The following SHISA9 variants were observed in gnomAD, a reference collection of about 807,000 sequenced individuals.
SHISA9 encodes shisa family member 9.
A neutral mutation model predicts 38.0 loss-of-function variants in SHISA9; 13 were observed. The observed-to-expected ratio is 0.34, with a 90% confidence interval of 0.22 to 0.54. SHISA9 has a LOEUF of 0.54. Among genes scored for constraint, SHISA9 ranks in the 20% least tolerant of loss-of-function variants. The pLI is 0.91. For synonymous variants in SHISA9, 275 were observed against 242.0 expected, an observed-to-expected ratio of 1.14 and a Z score of -1.27; for missense variants, 538 against 575.8, an observed-to-expected ratio of 0.93 and a Z score of 0.67.
chr16:13,504,584 A>G, the SHISA9 span, among the ~76,000 whole-genome samples: 1 of 152,214 alleles, frequency 6.6e-6, no homozygotes, highest in Non-Finnish European at 1.5e-5. Flanking sequence ...AATCATCACC[A>G]TCACCAGAGA....
In SHISA9 at chr16:12,909,648, G is replaced by A. The variant is rs954102511; in HGVS notation, c.563+7021G>A. ...TCATCACCAGGGTCCCAGCTCCAAT[G>A]TCATCTTCTCTGAGAAGCCGTCCCT... On this transcript the variant is annotated intron_variant, in intron 1 of 4. Coordinates refer to ENST00000558583, the MANE Select transcript of SHISA9 (RefSeq NM_001145204.3). 7 of 976,920 alleles carry A rather than the reference G, an allele frequency of 7.2e-6. No individual in the cohort carries two copies. In the African/African-American group the frequency reaches 8.8e-5, roughly 12 times the overall value. The allele number at this position is 976,920 out of a possible 1,614,324, so 60.5% of individuals were successfully genotyped here.
chr16:12,948,692 G>T (rs1298129632), intron 2 of SHISA9, among the ~76,000 whole-genome samples: 1 of 152,076 alleles, frequency 6.6e-6, no homozygotes, highest in Non-Finnish European at 1.5e-5. Context: ...GTTCACAAGG[G>T]CTCTACCCTC....
chr16:13,370,257 G>A, the SHISA9 span, among the ~76,000 whole-genome samples: 4 of 152,216 alleles, frequency 2.6e-5, no homozygotes, highest in South Asian at 8.3e-4. Context: ...ATGCTGTGCT[G>A]GTTACCTTTT....
chr16:13,290,719 C>T, the SHISA9 span, among the ~76,000 whole-genome samples: 1 of 152,204 alleles, frequency 6.6e-6, no homozygotes, highest in South Asian at 2.1e-4. Flanking sequence ...CCTTGGGCTC[C>T]TACTGTGATA....
chr16:13,520,354 CT>C, the SHISA9 span, among the ~76,000 whole-genome samples: 2 of 152,008 alleles, frequency 1.3e-5, no homozygotes, highest in East Asian at 3.9e-4. Flanking sequence ...AATCCCAGCA[CT>C]TTGGGAGGCC....
chr16:12,971,002 T>A (rs1047511892), intron 2 of SHISA9, among the ~76,000 whole-genome samples: 1 of 152,108 alleles, frequency 6.6e-6, no homozygotes, highest in Non-Finnish European at 1.5e-5. Context: ...CAGTTAGAGA[T>A]TGACTGAAGA....
chr16:13,234,447 G>C (rs552671655), intron 4 of SHISA9, among the ~76,000 whole-genome samples: 14 of 152,320 alleles, frequency 9.2e-5, no homozygotes, highest in Non-Finnish European at 1.8e-4. Flanking sequence ...AAGTAATTTA[G>C]TCAAGGTTAA....
the SHISA9 span, among the ~76,000 whole-genome samples, chr16:13,296,358 T>C: frequency 6.6e-6 from 1 of 152,046 alleles, no homozygotes; most frequent in African/African-American, 2.4e-5. Context: ...ATCCTGGCAA[T>C]ATTTACCCAT....
intron 2 of SHISA9, among the ~76,000 whole-genome samples, chr16:12,985,574 G>A (rs2072297709): frequency 6.6e-6 from 1 of 152,300 alleles, no homozygotes; most frequent in South Asian, 2.1e-4. Flanking sequence ...AGCTCATCCA[G>A]AAGTGAATTA....
chr16:13,365,762 G>T, the SHISA9 span, among the ~76,000 whole-genome samples: 1 of 152,156 alleles, frequency 6.6e-6, no homozygotes, highest in Middle Eastern at 3.4e-3. Flanking sequence ...CCTGGCCCCA[G>T]AGAGTATACT....
At chr16:13,007,494 C>A (rs1010178907) in intron 2 of SHISA9, among the ~76,000 whole-genome samples, 4 of 152,190 alleles carry the variant, frequency 2.6e-5, no homozygotes, top group African/African-American at 9.7e-5. Context: ...AATCTATCCA[C>A]TGCAACTTAT....
intron 2 of SHISA9, among the ~76,000 whole-genome samples, chr16:13,176,145 G>A (rs1312517087): frequency 6.6e-6 from 1 of 151,700 alleles, no homozygotes; most frequent in Non-Finnish European, 1.5e-5. Flanking sequence ...ACCTCTATTA[G>A]TTGATTACAA....
At chr16:13,283,518 A>T in the SHISA9 span, among the ~76,000 whole-genome samples, 7 of 152,072 alleles carry the variant, frequency 4.6e-5, no homozygotes, top group African/African-American at 1.4e-4. Flanking sequence ...GGTGGCAGGG[A>T]AGAGAGAATG....
the SHISA9 span, among the ~76,000 whole-genome samples, chr16:13,489,855 C>A: frequency 6.6e-6 from 1 of 152,092 alleles, no homozygotes; most frequent in Non-Finnish European, 1.5e-5. Flanking sequence ...GTAACATTCC[C>A]AAGGTCACAG....
the SHISA9 span, among the ~76,000 whole-genome samples, chr16:13,429,051 G>A: frequency 1.2e-4 from 19 of 152,272 alleles, no homozygotes; most frequent in African/African-American, 4.1e-4. Context: ...ACAGGCGTGA[G>A]CCACCAAACC....
At chr16:13,469,514 G>A in the SHISA9 span, among the ~76,000 whole-genome samples, 2 of 152,108 alleles carry the variant, frequency 1.3e-5, no homozygotes, top group African/African-American at 4.8e-5. Flanking sequence ...TTTGAGCCTC[G>A]ACCTGTGCAG....
chr16:13,436,247 G>A, the SHISA9 span, among the ~76,000 whole-genome samples: 42,933 of 152,102 alleles, frequency 0.28, 6,557 homozygotes, highest in African/African-American at 0.36. Context: ...AAAGGGTGTC[G>A]TAAAGAAACC....
At chr16:13,020,112 T>C (rs2072833898) in intron 2 of SHISA9, among the ~76,000 whole-genome samples, 1 of 149,692 alleles carries the variant, frequency 6.7e-6, no homozygotes, top group Non-Finnish European at 1.5e-5. Flanking sequence ...CTGCAACTTC[T>C]GCCATCCAGG....
At chr16:13,415,358 C>A in the SHISA9 span, among the ~76,000 whole-genome samples, 1 of 152,194 alleles carries the variant, frequency 6.6e-6, no homozygotes, top group Non-Finnish European at 1.5e-5. Context: ...ACCACATGTT[C>A]TCACTTTTAA....
Sources: gnomAD v4.1 joint callset for allele counts (sites outside exome capture counted in the v4.1 genomes callset) on GRCh38, gnomAD v4.1.1 for gene constraint, MANE v1.5 for transcripts, NCBI Gene and HGNC (gene_info 2026-07-23, HGNC 2026-07-21) for gene names.